The following GNAO1 variants were observed in gnomAD, a reference collection of about 807,000 sequenced individuals.
GNAO1 encodes the protein G protein subunit alpha o1.
For missense variants in GNAO1, 166 were observed against 478.7 expected (o/e 0.35, Z 6.10); for synonymous variants, 164 against 180.7 (o/e 0.91, Z 0.74).
intron 2 of GNAO1, among the ~76,000 whole-genome samples, chr16:56,205,282 C>G (rs2143313036): frequency 6.6e-6 from 1 of 152,320 alleles, no homozygotes; most frequent in South Asian, 2.1e-4. Context: ...CTCCTGGGGT[C>G]CCTCTCTGAA....
chr16:56,265,517 TACTCGTG>T (rs2036942907), intron 2 of GNAO1, among the ~76,000 whole-genome samples: 1 of 152,214 alleles, frequency 6.6e-6, no homozygotes, highest in Non-Finnish European at 1.5e-5. Flanking sequence ...GGGAAAATAA[TACTCGTG>T]CGGACTCCCA....
chr16:56,340,954 T>A, intron 6 of GNAO1: 2 of 1,613,964 alleles, frequency 1.2e-6, no homozygotes, highest in Non-Finnish European at 1.7e-6. Flanking sequence ...GATCAAGAAG[T>A]CCCCGCTCAC....
intron 2 of GNAO1, among the ~76,000 whole-genome samples, chr16:56,250,874 C>CA (rs1349057604): frequency 6.6e-6 from 1 of 152,208 alleles, no homozygotes; most frequent in African/African-American, 2.4e-5. Context: ...ATCCCTGAAC[C>CA]AACCATTGTG....
At chr16:56,250,696 A>G (rs1346205598) in intron 2 of GNAO1, among the ~76,000 whole-genome samples, 2 of 152,200 alleles carry the variant, frequency 1.3e-5, no homozygotes, top group Non-Finnish European at 2.9e-5. Context: ...GGATGTTATC[A>G]GGACCTAGTG....
intron 6 of GNAO1, chr16:56,344,817 A>G (rs1334103804): frequency 3.0e-6 from 3 of 985,274 alleles, no homozygotes; most frequent in Admixed American, 6.1e-5. Context: ...TTTTTCCTTC[A>G]GTCCACACTG....
chr16:56,244,189 G>A (rs2036720814), intron 2 of GNAO1, among the ~76,000 whole-genome samples: 1 of 152,182 alleles, frequency 6.6e-6, no homozygotes, highest in South Asian at 2.1e-4. Flanking sequence ...ATGGGAAAGA[G>A]GTTGAGAAAC....
chr16:56,305,440 G>A (rs1369779743), intron 3 of GNAO1, among the ~76,000 whole-genome samples: 3 of 152,152 alleles, frequency 2.0e-5, no homozygotes, highest in African/African-American at 7.2e-5. Context: ...CCTTATCTTG[G>A]GGGTTAAAGT....
chr16:56,201,331 A>G (rs2036280403), intron 2 of GNAO1, among the ~76,000 whole-genome samples: 1 of 152,236 alleles, frequency 6.6e-6, no homozygotes, highest in African/African-American at 2.4e-5. Context: ...AGGCATTAAG[A>G]TGTCACCACA....
At chr16:56,234,788 CAA>C (rs1411525840) in intron 2 of GNAO1, among the ~76,000 whole-genome samples, 1 of 152,098 alleles carries the variant, frequency 6.6e-6, no homozygotes, top group Admixed American at 6.5e-5. Flanking sequence ...CTTTCCAACT[CAA>C]AGATCCTCCA....
chr16:56,246,148 T>A (rs948855325), intron 2 of GNAO1, among the ~76,000 whole-genome samples: 1 of 152,202 alleles, frequency 6.6e-6, no homozygotes, highest in Non-Finnish European at 1.5e-5. Flanking sequence ...CCTGTCTGCC[T>A]GGCTGATGTT....
At chr16:56,315,084 A>G (rs1344297375) in intron 3 of GNAO1, among the ~76,000 whole-genome samples, 1 of 152,212 alleles carries the variant, frequency 6.6e-6, no homozygotes, top group African/African-American at 2.4e-5. Context: ...GGCAAGAGGG[A>G]TGAACCAGCC....
intron 2 of GNAO1, among the ~76,000 whole-genome samples, chr16:56,203,272 A>G (rs1343293941): frequency 6.6e-6 from 1 of 151,756 alleles, no homozygotes; most frequent in African/African-American, 2.4e-5. Flanking sequence ...TAGGTTCATG[A>G]CTCAGGCCTT....
At chr16:56,272,084 TTCTTC>T (rs2037022954) in intron 2 of GNAO1, among the ~76,000 whole-genome samples, 2 of 152,326 alleles carry the variant, frequency 1.3e-5, no homozygotes, top group South Asian at 4.1e-4. Flanking sequence ...AAATTCAGTG[TTCTTC>T]TGAGTTTTGG....
At chr16:56,284,521 G>GA (rs1229725540) in intron 3 of GNAO1, among the ~76,000 whole-genome samples, 1 of 152,238 alleles carries the variant, frequency 6.6e-6, no homozygotes, top group Admixed American at 6.5e-5. Flanking sequence ...GGGAAAGAAA[G>GA]AAGGACTAAA....
intron 2 of GNAO1, among the ~76,000 whole-genome samples, chr16:56,236,553 G>A (rs550916917): frequency 3.9e-5 from 6 of 152,206 alleles, no homozygotes; most frequent in East Asian, 3.9e-4. Context: ...TCAGAGAGAC[G>A]AAGTACCAGT....
chr16:56,305,325 C>T (rs527991928), intron 3 of GNAO1, among the ~76,000 whole-genome samples: 28 of 152,316 alleles, frequency 1.8e-4, no homozygotes, highest in Admixed American at 1.5e-3. Context: ...GGAAACAAAC[C>T]TGTCTAATTA....
intron 2 of GNAO1, chr16:56,193,990 A>T: frequency 2.6e-6 from 1 of 389,958 alleles, no homozygotes; most frequent in South Asian, 1.8e-5. Context: ...CTTTCGTGGG[A>T]AGGTGGGAGT....
Position 56,228,437 on chromosome 16 carries a change from G to GTA in GNAO1, c.161+35832_161+35833dup, listed in dbSNP as rs563278517. ...TGTGTGTATATATGTGAGTGTGTGT[G>GTA]TATATATATATACATATATATTTAT... On this transcript the variant is annotated intron_variant, in intron 2 of 8. Coordinates refer to ENST00000262493, the MANE Select transcript of GNAO1 (RefSeq NM_020988.3). Among the ~76,000 whole-genome samples the GTA allele has an allele frequency of 6.1e-3, 919 of 150,682 alleles. 9 individuals carry two copies. The highest frequency in any genetic ancestry group is 0.02 in the African/African-American group (822 of 41,054).
chr16:56,193,020 A>G (rs1264751204), intron 2 of GNAO1: 1 of 169,854 alleles, frequency 5.9e-6, no homozygotes, highest in Non-Finnish European at 1.3e-5. Context: ...TTCCCTCCAT[A>G]CCTCCCTATC....
Sources: allele counts gnomAD v4.1 joint callset (sites outside exome capture counted in the v4.1 genomes callset), GRCh38; gene constraint gnomAD v4.1.1; transcripts MANE v1.5; gene names NCBI Gene and HGNC (gene_info 2026-07-23, HGNC 2026-07-21).